Variants in GAB2 observed in about 807,000 individuals in gnomAD.
The protein encoded by GAB2 is GRB2-associated-binding protein 2.
Under a neutral mutation model 65.5 loss-of-function variants are expected in GAB2, and 26 were observed. The observed-to-expected ratio is 0.40, with a 90% confidence interval of 0.29 to 0.55. The LOEUF (loss-of-function observed/expected upper bound fraction) is 0.55, where lower values mean the gene tolerates loss of function less well. GAB2 is among the 20% of genes least tolerant of loss of function. The pLI is 0.53. For missense variants in GAB2, 884 were observed against 875.8 expected (o/e 1.01, Z -0.12); for synonymous variants, 321 against 329.6 (o/e 0.97, Z 0.28).
At chr11:78,308,561 A>G (rs1855420686) in intron 1 of GAB2, among the ~76,000 whole-genome samples, 1 of 152,254 alleles carries the variant, frequency 6.6e-6, no homozygotes, top group East Asian at 1.9e-4. Flanking sequence ...AAGAAAACAC[A>G]ACCAAGCTAT....
chr11:78,321,104 A>G (rs948283774), intron 1 of GAB2, among the ~76,000 whole-genome samples: 3 of 152,160 alleles, frequency 2.0e-5, no homozygotes, highest in African/African-American at 7.2e-5. Flanking sequence ...TTTGGTCTGA[A>G]AAGTTCATGC....
chr11:78,352,916 T>C (rs779708737), intron 1 of GAB2, among the ~76,000 whole-genome samples: 6 of 152,212 alleles, frequency 3.9e-5, no homozygotes, highest in Non-Finnish European at 7.3e-5. Context: ...CTGACCCACT[T>C]GATAATCAGA....
intron 1 of GAB2, among the ~76,000 whole-genome samples, chr11:78,338,211 T>C (rs1856034800): frequency 6.6e-6 from 1 of 152,222 alleles, no homozygotes; most frequent in South Asian, 2.1e-4. Flanking sequence ...ATAATGCCTA[T>C]TCATAATCCC....
intron 1 of GAB2, among the ~76,000 whole-genome samples, chr11:78,368,112 G>A (rs939278303): frequency 1.3e-5 from 2 of 152,048 alleles, no homozygotes; most frequent in Admixed American, 6.5e-5. Context: ...CACTGCGCCC[G>A]GCTGTCAGTG....
At chr11:78,378,422 T>C (rs747580112) in intron 1 of GAB2, among the ~76,000 whole-genome samples, 2 of 152,222 alleles carry the variant, frequency 1.3e-5, no homozygotes, top group Non-Finnish European at 2.9e-5. Context: ...TTTACCTGAG[T>C]TGGTTTTTGT....
intron 1 of GAB2, among the ~76,000 whole-genome samples, chr11:78,309,971 T>TGTGTGCGC (rs1421836447): frequency 8.3e-6 from 1 of 120,194 alleles, no homozygotes; most frequent in African/African-American, 3.6e-5. Flanking sequence ...TGTGTGTGTG[T>TGTGTGCGC]GCGCGCGCGC....
At chr11:78,358,462 T>C (rs970666593) in intron 1 of GAB2, among the ~76,000 whole-genome samples, 4 of 135,168 alleles carry the variant, frequency 3.0e-5, no homozygotes, top group Non-Finnish European at 4.7e-5. Flanking sequence ...ATAATAATAA[T>C]AATAATAATA....
intron 1 of GAB2, among the ~76,000 whole-genome samples, chr11:78,297,804 T>A (rs1285705159): frequency 6.6e-6 from 1 of 152,182 alleles, no homozygotes; most frequent in East Asian, 1.9e-4. Context: ...ATTATTCACA[T>A]ATTATTTATA....
chr11:78,288,644 A>G (rs1340525834), intron 1 of GAB2, among the ~76,000 whole-genome samples: 1 of 152,222 alleles, frequency 6.6e-6, no homozygotes, highest in Non-Finnish European at 1.5e-5. Flanking sequence ...CAGGGCATGT[A>G]TGCTAAAAGC....
At chr11:78,335,439 A>C (rs1855981660) in intron 1 of GAB2, among the ~76,000 whole-genome samples, 1 of 152,206 alleles carries the variant, frequency 6.6e-6, no homozygotes, top group African/African-American at 2.4e-5. Flanking sequence ...ATAGGGATCT[A>C]GTTTCATTCT....
chr11:78,254,035 T>G (rs2511168), intron 2 of GAB2, among the ~76,000 whole-genome samples: 30,904 of 152,100 alleles, frequency 0.2, 3,378 homozygotes, highest in East Asian at 0.4. Context: ...TGCAGCCCCT[T>G]CCTTGAGCTC....
rs1040050326 is a variant in GAB2 at position 78,325,522 on chromosome 11, C to T, written c.76-44621G>A. 5.3e-5 allele frequency among the ~76,000 whole-genome samples: 8 copies of T among 152,118 alleles called. No homozygotes were observed. In the East Asian group the frequency reaches 1.5e-3, roughly 29 times the overall value. Reference sequence around the variant, plus strand: ...ATAATATTGAACAACACCGGAATGACAAAGATCCCTAAGCAAGAATGTTGT... The same window carrying T: ...ATAATATTGAACAACACCGGAATGATAAAGATCCCTAAGCAAGAATGTTGT... On this transcript the variant is annotated intron_variant, in intron 1 of 9. Transcript: ENST00000361507.
At chr11:78,253,890 T>C (rs1210738254) in intron 2 of GAB2, among the ~76,000 whole-genome samples, 4 of 152,228 alleles carry the variant, frequency 2.6e-5, no homozygotes, top group Non-Finnish European at 5.9e-5. Flanking sequence ...AAGTCGAGTT[T>C]CCTCAGTATT....
intron 3 of GAB2, among the ~76,000 whole-genome samples, chr11:78,239,966 A>C (rs1369929457): frequency 6.6e-5 from 10 of 152,048 alleles, no homozygotes; most frequent in Admixed American, 6.5e-4. Context: ...TTGCTAGCCC[A>C]GTGGCCCAAC....
intron 3 of GAB2, among the ~76,000 whole-genome samples, chr11:78,227,680 G>GTCCTAGC (rs886170603): frequency 2.0e-5 from 3 of 149,648 alleles, no homozygotes; most frequent in African/African-American, 7.4e-5. Context: ...CACACCTGTA[G>GTCCTAGC]TCCTAGCTTC....
chr11:78,294,131 A>G (rs1007483482), intron 1 of GAB2, among the ~76,000 whole-genome samples: 4 of 151,970 alleles, frequency 2.6e-5, no homozygotes, highest in Non-Finnish European at 4.4e-5. Flanking sequence ...ATGTGTTCTC[A>G]TTGTTCAATT....
At chr11:78,265,446 T>C (rs1865851374) in intron 2 of GAB2, among the ~76,000 whole-genome samples, 1 of 152,198 alleles carries the variant, frequency 6.6e-6, no homozygotes. Context: ...AGATCTCGTA[T>C]TCTAGAAGTT....
At chr11:78,329,222 T>C (rs1855875061) in intron 1 of GAB2, among the ~76,000 whole-genome samples, 1 of 152,142 alleles carries the variant, frequency 6.6e-6, no homozygotes. Flanking sequence ...TGAAGAACAT[T>C]TTTGGGGTTT....
chr11:78,395,755 T>G (rs767811596), intron 1 of GAB2, among the ~76,000 whole-genome samples: 11 of 152,162 alleles, frequency 7.2e-5, no homozygotes, highest in Non-Finnish European at 1.2e-4. Context: ...GTTGCCATTA[T>G]CTCTATTTTA....
Sources: allele counts gnomAD v4.1 joint callset (sites outside exome capture counted in the v4.1 genomes callset), GRCh38; gene constraint gnomAD v4.1.1; transcripts MANE v1.5; gene names NCBI Gene and HGNC (gene_info 2026-07-23, HGNC 2026-07-21).